Variants in FAM219A observed in about 807,000 individuals in gnomAD.
FAM219A encodes the protein family with sequence similarity 219 member A, also known as protein FAM219A.
A neutral mutation model predicts 23.4 loss-of-function variants in FAM219A; 7 were observed. The observed-to-expected ratio is 0.30, with a 90% CI of 0.17 to 0.56. FAM219A has a LOEUF of 0.56. Among genes scored for constraint, FAM219A ranks in the 20% least tolerant of loss-of-function variants. FAM219A has a pLI of 0.92. For missense variants in FAM219A, 166 were observed against 246.9 expected, an observed-to-expected ratio of 0.67 and a Z score of 2.20; for synonymous variants, 93 against 99.0, an observed-to-expected ratio of 0.94 and a Z score of 0.36.
At chr9:34,401,395 C>T (rs796202767) in intron 5 of FAM219A, among the ~76,000 whole-genome samples, 9 of 152,304 alleles carry the variant, frequency 5.9e-5, no homozygotes, top group Middle Eastern at 3.4e-3. Context: ...TATCTCAGGC[C>T]GGCTACTAGA....
At chr9:34,430,824 C>T (rs188260248) in intron 1 of FAM219A, among the ~76,000 whole-genome samples, 3 of 146,324 alleles carry the variant, frequency 2.1e-5, no homozygotes, top group East Asian at 3.9e-4. Flanking sequence ...TCTGGGTGCC[C>T]GAGTGAGACC....
intron 2 of FAM219A, among the ~76,000 whole-genome samples, chr9:34,404,805 C>A (rs1821578875): frequency 6.6e-6 from 1 of 152,048 alleles, no homozygotes; most frequent in South Asian, 2.1e-4. Context: ...GAAACAAATT[C>A]CAAGGAGAGG....
At position 34,398,702 on chromosome 9, in the gene FAM219A, AC is replaced by A. The variant is rs1381236430; in HGVS notation, c.*2261del. On this transcript the variant is annotated 3_prime_UTR_variant, in exon 6 of 6. Transcript: ENST00000651358. ...AAATGAGCCCCCAAAAAGAGGAGGT[AC>A]CCATGTTCTAGAAAGGTGAGCCAAG... 3.7e-5 allele frequency: 10 copies of A among 270,860 alleles called. No individual in the cohort carries two copies. Among genetic ancestry groups the A allele is most frequent in the Non-Finnish European group, 4.3e-5 (6 of 139,712 alleles). 16.8% of individuals were successfully genotyped at this position (270,860 alleles called of 1,614,324 possible). A position where few individuals can be genotyped will look rare whatever the true frequency, so the allele number is the denominator to read the frequency against.
intron 1 of FAM219A, among the ~76,000 whole-genome samples, chr9:34,414,598 T>C (rs539112935): frequency 2.0e-5 from 3 of 152,370 alleles, no homozygotes; most frequent in East Asian, 3.8e-4. Flanking sequence ...AGACTTCTTA[T>C]AGGGATAAGG....
Position 34,398,561 on chromosome 9 carries a change from T to A in FAM219A, c.*2403A>T, listed in dbSNP as rs964077834. 3.2e-6 allele frequency: 2 copies of A among 615,954 alleles called. No individual in the cohort carries two copies. The highest frequency in any genetic ancestry group is 5.7e-6 in the Non-Finnish European group (2 of 351,748). 38.2% of individuals were successfully genotyped at this position (615,954 alleles called of 1,614,324 possible). On this transcript the variant is annotated 3_prime_UTR_variant, in exon 6 of 6. Transcript: ENST00000651358. The stretch of plus-strand genomic sequence containing the variant: ...ACTGCCTCAGTTGGAAGCCCTTGCC[T>A]GCCAGGGAACTAGTATGTCCTGTGG...
At chr9:34,408,519 T>A (rs1563999834) in intron 1 of FAM219A, among the ~76,000 whole-genome samples, 1 of 152,210 alleles carries the variant, frequency 6.6e-6, no homozygotes, top group Non-Finnish European at 1.5e-5. Flanking sequence ...CCAAGTCACA[T>A]TCCTTCACTT....
intron 1 of FAM219A, among the ~76,000 whole-genome samples, chr9:34,429,256 C>T (rs1822601874): frequency 6.6e-6 from 1 of 152,218 alleles, no homozygotes; most frequent in Non-Finnish European, 1.5e-5. Flanking sequence ...TTGGGCTTGA[C>T]AGTTCCTTCA....
chr9:34,433,752 A>C (rs1422955316), intron 1 of FAM219A, among the ~76,000 whole-genome samples: 1 of 152,172 alleles, frequency 6.6e-6, no homozygotes, highest in East Asian at 1.9e-4. Context: ...TGACTGTATC[A>C]TTTTAAGCCA....
intron 1 of FAM219A, among the ~76,000 whole-genome samples, chr9:34,448,473 T>C (rs1172120696): frequency 1.3e-5 from 2 of 152,214 alleles, no homozygotes; most frequent in Non-Finnish European, 2.9e-5. Flanking sequence ...TCAAGGGGCA[T>C]TGGCATGAAG....
In FAM219A at chr9:34,405,868, G is replaced by A; in HGVS notation, c.157C>T (p.Leu53=). ...NYKPSPLQVK[L]EKQRELARKG... ...CTCACCCCCCAGACACACTCACCCA[G>A]CTTCACTTGGAGCGGGGATGGTTTG... Residue 53 remains leucine, a synonymous_variant, in exon 2 of 6, where the codon CTG becomes TTG. Transcript: ENST00000651358. 1 of 1,613,962 alleles carries A rather than the reference G, an allele frequency of 6.2e-7. No homozygotes were observed. Among genetic ancestry groups the A allele is most frequent in the African/African-American group, 1.3e-5 (1 of 75,016 alleles).
chr9:34,444,212 T>C (rs1249173915), intron 1 of FAM219A, among the ~76,000 whole-genome samples: 2 of 152,170 alleles, frequency 1.3e-5, no homozygotes, highest in Non-Finnish European at 2.9e-5. Context: ...CTGCTGCAAT[T>C]TGCCTGCCAA....
chr9:34,439,773 A>G (rs972880591), intron 1 of FAM219A, among the ~76,000 whole-genome samples: 7 of 152,194 alleles, frequency 4.6e-5, no homozygotes, highest in Admixed American at 2.6e-4. Flanking sequence ...GTAATGTGAT[A>G]TGAGATAAGC....
chr9:34,432,056 A>C (rs1822731791), intron 1 of FAM219A, among the ~76,000 whole-genome samples: 1 of 152,214 alleles, frequency 6.6e-6, no homozygotes. Context: ...AGAAAATAAT[A>C]GTACCTGTAG....
chr9:34,453,603 C>T (rs889769546), intron 1 of FAM219A, among the ~76,000 whole-genome samples: 3 of 152,142 alleles, frequency 2.0e-5, no homozygotes, highest in Non-Finnish European at 4.4e-5. Flanking sequence ...AGTAGATGCT[C>T]GTGAACTAAA....
At chr9:34,414,503 A>G (rs962572748) in intron 1 of FAM219A, among the ~76,000 whole-genome samples, 2 of 152,260 alleles carry the variant, frequency 1.3e-5, no homozygotes, top group African/African-American at 4.8e-5. Context: ...CGTTCTGCAC[A>G]TGTATCCCAG....
At chr9:34,438,742 G>A (rs1403992769) in intron 1 of FAM219A, among the ~76,000 whole-genome samples, 10 of 152,252 alleles carry the variant, frequency 6.6e-5, no homozygotes, top group African/African-American at 2.2e-4. Context: ...GATTGTAAAC[G>A]CACCAATCAG....
chr9:34,446,172 C>CAAA (rs11352681), intron 1 of FAM219A, among the ~76,000 whole-genome samples: 11 of 107,976 alleles, frequency 1.0e-4, no homozygotes, highest in African/African-American at 2.9e-4. Context: ...GACTCTGTCT[C>CAAA]AAAAAAAAAA....
chr9:34,458,250 A>C lies in FAM219A; in HGVS notation c.14T>G (p.Ile5Ser), dbSNP rs751180442. MMEE[I>S]DRFQVPTAHS... Reference sequence around the variant, plus strand: ...CGCGGTGGGCACCTGGAACCGGTCGATCTCCTCCATCATGGTGCCGGCGGG... The same window carrying C: ...CGCGGTGGGCACCTGGAACCGGTCGCTCTCCTCCATCATGGTGCCGGCGGG... The change falls in exon 1 of 6, where the codon ATC becomes AGC. Residue 5 changes from isoleucine (I) to serine (S), a missense_variant. Physicochemically the swap from Ile to Ser is moderately radical, Grantham distance 142 (BLOSUM62 -2). Around this residue, in one of 3 missense-constraint regions of FAM219A, gnomAD observed 5 missense variants for 17.1 expected, o/e 0.29. Transcript: ENST00000651358. The surrounding 1 kb of genome is among the most constrained non-coding windows in gnomAD (Gnocchi z 6.6). 2 of 1,585,310 alleles carry C rather than the reference A, an allele frequency of 1.3e-6. No individual in the cohort carries two copies. The highest frequency in any genetic ancestry group is 1.7e-6 in the Non-Finnish European group (2 of 1,169,910).
At chr9:34,434,100 G>A (rs1238150512) in intron 1 of FAM219A, among the ~76,000 whole-genome samples, 1 of 151,612 alleles carries the variant, frequency 6.6e-6, no homozygotes, top group East Asian at 1.9e-4. Flanking sequence ...TACTCGGGAG[G>A]CTGAGGCAGG....
Sources: allele counts gnomAD v4.1 joint callset (sites outside exome capture counted in the v4.1 genomes callset), GRCh38; gene constraint gnomAD v4.1.1; regional missense constraint gnomAD v4.1.1; non-coding constraint Gnocchi (gnomAD v3.1); transcripts MANE v1.5; gene names NCBI Gene and HGNC (gene_info 2026-07-23, HGNC 2026-07-21).